The following CRPPA variants were observed in gnomAD, a reference collection of about 807,000 sequenced individuals.
The protein encoded by CRPPA is CDP-L-ribitol pyrophosphorylase A, also known as D-ribitol-5-phosphate cytidylyltransferase.
In CRPPA, 43 loss-of-function variants were observed where a neutral mutation model predicts 52.0. That is an observed-to-expected ratio of 0.83 (90% CI 0.65 to 1.07). CRPPA has a LOEUF of 1.07. Ranked by LOEUF, CRPPA falls within the 50% of genes least tolerant of loss-of-function variation. CRPPA has a pLI of 0.00. For missense variants in CRPPA, 629 were observed against 551.7 expected, an observed-to-expected ratio of 1.14 and a Z score of -1.40; for synonymous variants, 250 against 203.5, an observed-to-expected ratio of 1.23 and a Z score of -1.94.
chr7:16,321,135 T>C (rs548596550), intron 3 of CRPPA, among the ~76,000 whole-genome samples: 4 of 152,274 alleles, frequency 2.6e-5, no homozygotes, highest in African/African-American at 4.8e-5. Flanking sequence ...CACCCATATC[T>C]ATCAAACACT....
chr7:16,293,845 TA>T (rs1009636711), intron 5 of CRPPA, among the ~76,000 whole-genome samples: 5 of 151,962 alleles, frequency 3.3e-5, no homozygotes, highest in African/African-American at 1.2e-4. Flanking sequence ...ACCTTAGAAC[TA>T]AAAGTAAGGA....
intron 3 of CRPPA, among the ~76,000 whole-genome samples, chr7:16,371,694 T>C (rs190767743): frequency 2.6e-5 from 4 of 151,266 alleles, no homozygotes; most frequent in East Asian, 3.9e-4. Context: ...TCCCAAGCAA[T>C]GGATACAAAC....
At chr7:16,128,776 T>TTGCAATTATAACAGATC (rs1215444552) in intron 9 of CRPPA, among the ~76,000 whole-genome samples, 2 of 152,220 alleles carry the variant, frequency 1.3e-5, no homozygotes, top group East Asian at 3.9e-4. Flanking sequence ...GCCAAATATG[T>TTGCAATTATAACAGATC]TGCAATTATA....
chr7:16,368,839 A>AT (rs1213000302), intron 3 of CRPPA, among the ~76,000 whole-genome samples: 1 of 152,152 alleles, frequency 6.6e-6, no homozygotes, highest in East Asian at 1.9e-4. Context: ...ACTTCCAATA[A>AT]TTTTTCAGAT....
At chr7:16,126,879 G>A (rs1053575515) in intron 9 of CRPPA, among the ~76,000 whole-genome samples, 11 of 151,940 alleles carry the variant, frequency 7.2e-5, no homozygotes, top group Non-Finnish European at 1.5e-4. Flanking sequence ...AGCAACAAAA[G>A]GCAAAGAAAT....
intron 9 of CRPPA, among the ~76,000 whole-genome samples, chr7:16,129,180 T>G (rs1782636568): frequency 6.6e-6 from 1 of 152,122 alleles, no homozygotes. Context: ...TTAGCTCATT[T>G]TCAGTCCTTT....
chr7:16,377,360 G>C (rs1786919770), intron 2 of CRPPA, among the ~76,000 whole-genome samples: 1 of 152,180 alleles, frequency 6.6e-6, no homozygotes, highest in African/African-American at 2.4e-5. Flanking sequence ...AGAGCTAGAA[G>C]ATAAGACAGG....
At chr7:16,386,761 C>T (rs1787280053) in intron 2 of CRPPA, among the ~76,000 whole-genome samples, 1 of 151,988 alleles carries the variant, frequency 6.6e-6, no homozygotes, top group Non-Finnish European at 1.5e-5. Context: ...TGGCTCACAC[C>T]TGTAATCCCA....
intron 9 of CRPPA, among the ~76,000 whole-genome samples, chr7:16,198,980 C>G (rs952513730): frequency 6.6e-6 from 1 of 152,194 alleles, no homozygotes; most frequent in African/African-American, 2.4e-5. Context: ...TTTCCAGCCT[C>G]TCTGAGTAAA....
intron 1 of CRPPA, among the ~76,000 whole-genome samples, chr7:16,417,573 G>A (rs145768593): frequency 2.2e-4 from 34 of 152,214 alleles, no homozygotes; most frequent in African/African-American, 7.0e-4. Flanking sequence ...CTCCTAAGAC[G>A]GAGCTAAACA....
intron 3 of CRPPA, among the ~76,000 whole-genome samples, chr7:16,353,148 G>A (rs555334769): frequency 2.0e-5 from 3 of 152,100 alleles, no homozygotes; most frequent in Admixed American, 6.5e-5. Context: ...TTGAGCCCAG[G>A]AGTTCGAGAC....
chr7:16,277,905 C>T (rs1266050060), intron 6 of CRPPA, among the ~76,000 whole-genome samples: 4 of 151,964 alleles, frequency 2.6e-5, no homozygotes, highest in East Asian at 3.9e-4. Context: ...TCCTAAAGGT[C>T]GTCACACATG....
chr7:16,399,887 CATG>C (rs1787755378), intron 2 of CRPPA, among the ~76,000 whole-genome samples: 1 of 152,042 alleles, frequency 6.6e-6, no homozygotes, highest in Non-Finnish European at 1.5e-5. Context: ...GACATTGACT[CATG>C]ATCGTTATGT....
At chr7:16,188,075 CCTGT>C (rs1781541108) in intron 9 of CRPPA, among the ~76,000 whole-genome samples, 1 of 136,472 alleles carries the variant, frequency 7.3e-6, no homozygotes, top group Admixed American at 7.6e-5. Flanking sequence ...GAGACGGAGT[CCTGT>C]TCTGTCACCC....
chr7:16,329,854 AT>A (rs2128429599), intron 3 of CRPPA, among the ~76,000 whole-genome samples: 1 of 152,342 alleles, frequency 6.6e-6, no homozygotes, highest in South Asian at 2.1e-4. Flanking sequence ...AGGAACCATG[AT>A]GTTGGTCACA....
intron 5 of CRPPA, among the ~76,000 whole-genome samples, chr7:16,290,190 C>T (rs1784530097): frequency 6.6e-6 from 1 of 151,638 alleles, no homozygotes; most frequent in Admixed American, 6.6e-5. Context: ...GCTCATGAAT[C>T]AAAAGAATAT....
intron 9 of CRPPA, among the ~76,000 whole-genome samples, chr7:16,123,741 T>C (rs933490007): frequency 6.6e-6 from 1 of 152,158 alleles, no homozygotes; most frequent in African/African-American, 2.4e-5. Context: ...TTCGTGATTG[T>C]TTAACCGCTT....
At chr7:16,288,874 C>T (rs1421611003) in intron 5 of CRPPA, among the ~76,000 whole-genome samples, 1 of 122,234 alleles carries the variant, frequency 8.2e-6, no homozygotes, top group East Asian at 2.2e-4. Context: ...AAAAAATCCC[C>T]AAAAACAAAA....
chr7:16,106,499 C>A (rs997540486), intron 9 of CRPPA, among the ~76,000 whole-genome samples: 4 of 152,190 alleles, frequency 2.6e-5, no homozygotes, highest in African/African-American at 9.7e-5. Flanking sequence ...CAGCAGAGCC[C>A]AACCAGTAGC....
Sources: allele counts gnomAD v4.1 joint callset (sites outside exome capture counted in the v4.1 genomes callset), GRCh38; gene constraint gnomAD v4.1.1; transcripts MANE v1.5; gene names NCBI Gene and HGNC (gene_info 2026-07-23, HGNC 2026-07-21).